Variants in DOCK2 observed in about 807,000 individuals in gnomAD.
The protein encoded by DOCK2 is dedicator of cytokinesis protein 2.
DOCK2 carries 87 observed loss-of-function variants against 248.9 expected under a neutral mutation model. The observed-to-expected ratio is 0.35, with a 90% CI of 0.29 to 0.42. The LOEUF is 0.42. DOCK2 is among the 10% of genes least tolerant of loss of function. DOCK2 has a pLI of 1.00. For synonymous variants in DOCK2, 805 were observed against 821.6 expected (o/e 0.98, Z 0.35); for missense variants, 1,747 against 2,300.2 (o/e 0.76, Z 4.92).
At chr5:169,943,397 C>G (rs1776319657) in intron 27 of DOCK2, among the ~76,000 whole-genome samples, 1 of 152,062 alleles carries the variant, frequency 6.6e-6, no homozygotes, top group African/African-American at 2.4e-5. Context: ...GGGCCATATT[C>G]TACACAGGAA....
chr5:169,809,549 G>T (rs866072794), intron 26 of DOCK2, among the ~76,000 whole-genome samples: 2 of 152,174 alleles, frequency 1.3e-5, no homozygotes, highest in South Asian at 2.1e-4. Context: ...AACCATGTGT[G>T]CACCCTGATA....
chr5:169,828,000 G>T (rs1768980093), intron 26 of DOCK2, among the ~76,000 whole-genome samples: 1 of 152,170 alleles, frequency 6.6e-6, no homozygotes, highest in Non-Finnish European at 1.5e-5. Flanking sequence ...CTTGTCCTAG[G>T]AGGCAGTGAT....
At chr5:169,668,263 C>A (rs757538844) in intron 2 of DOCK2, among the ~76,000 whole-genome samples, 6 of 152,156 alleles carry the variant, frequency 3.9e-5, no homozygotes, top group Non-Finnish European at 8.8e-5. Flanking sequence ...TTCCAACCTC[C>A]CTTTCTTCCT....
chr5:169,773,015 C>T (rs1765178881), intron 25 of DOCK2: 1 of 152,190 alleles, frequency 6.6e-6, no homozygotes, highest in African/African-American at 2.4e-5. Context: ...CATCAAAGTT[C>T]TTCAAGTGAG....
chr5:169,889,838 C>T (rs6869401), intron 27 of DOCK2, among the ~76,000 whole-genome samples: 4,105 of 152,314 alleles, frequency 0.027, 178 homozygotes, highest in South Asian at 0.11. Flanking sequence ...TGACAACCTC[C>T]GCTTTAGGCA....
intron 27 of DOCK2, among the ~76,000 whole-genome samples, chr5:169,881,919 C>T (rs769143754): frequency 2.0e-5 from 3 of 152,204 alleles, no homozygotes; most frequent in South Asian, 2.1e-4. Flanking sequence ...ACGAGCATTT[C>T]GCATCTAAAC....
intron 30 of DOCK2, 94 bp downstream of exon 30, chr5:169,996,258 C>CAGA (rs1754630104): frequency 3.8e-6 from 5 of 1,303,720 alleles, no homozygotes; most frequent in Non-Finnish European, 5.3e-6. Flanking sequence ...CCAAAGGCCA[C>CAGA]AGAAGCTGTC....
intron 27 of DOCK2, chr5:169,864,411 C>T: frequency 6.4e-6 from 10 of 1,550,534 alleles, no homozygotes; most frequent in Non-Finnish European, 8.7e-6. Flanking sequence ...CCAGACTCTG[C>T]AAAACTTCAT....
chr5:169,654,900 C>T (rs1581391655), intron 2 of DOCK2, among the ~76,000 whole-genome samples: 1 of 152,220 alleles, frequency 6.6e-6, no homozygotes, highest in Non-Finnish European at 1.5e-5. Context: ...CATGAAGGCA[C>T]CCAGCCCAGG....
intron 27 of DOCK2, chr5:169,881,496 AC>A: frequency 7.2e-7 from 1 of 1,391,922 alleles, no homozygotes; most frequent in South Asian, 1.2e-5. Context: ...CACGTGGGCC[AC>A]AAACATTCAA....
chr5:169,779,903 G>C lies in DOCK2; in HGVS notation c.2554+18278G>C, dbSNP rs181933430. 2.3e-3 allele frequency among the ~76,000 whole-genome samples: 350 copies of C among 152,188 alleles called. 1 individual carries two copies. The highest frequency in any genetic ancestry group is 8.3e-3 in the African/African-American group (344 of 41,476). On this transcript the variant is annotated intron_variant, in intron 25 of 51. Coordinates refer to ENST00000520908, the MANE Select transcript of DOCK2 (RefSeq NM_004946.3). ...GGAGGAGGTGTGGTGACTGACTGTG[G>C]CCCCGTAGAGAGTGTAGGCTGCAGG... is the stretch of plus-strand genomic sequence containing the variant.
intron 26 of DOCK2, among the ~76,000 whole-genome samples, chr5:169,833,676 C>T (rs396387): frequency 0.28 from 42,539 of 151,930 alleles, 8,152 homozygotes; most frequent in African/African-American, 0.55. Flanking sequence ...AGATGCCAGA[C>T]GAAAGTGTGG....
chr5:169,700,237 T>C (rs1760885039), intron 13 of DOCK2, 98 bp downstream of exon 13: 10 of 1,482,810 alleles, frequency 6.7e-6, no homozygotes, highest in Non-Finnish European at 9.0e-6. Flanking sequence ...CTTCCTTTTT[T>C]ACTGCCTCTC....
intron 8 of DOCK2, among the ~76,000 whole-genome samples, chr5:169,686,407 C>T (rs920639288): frequency 6.6e-6 from 1 of 152,162 alleles, no homozygotes; most frequent in African/African-American, 2.4e-5. Flanking sequence ...AGGCCATGCT[C>T]AATGGGGTGT....
chr5:169,839,829 C>T (rs1010224122), intron 26 of DOCK2, among the ~76,000 whole-genome samples: 5 of 152,146 alleles, frequency 3.3e-5, no homozygotes, highest in African/African-American at 9.7e-5. Context: ...TCAATTTGTC[C>T]CTCCAGCCTC....
intron 39 of DOCK2, among the ~76,000 whole-genome samples, chr5:170,046,843 C>T (rs1756732923): frequency 1.3e-5 from 2 of 152,120 alleles, no homozygotes; most frequent in Admixed American, 1.3e-4. Flanking sequence ...ACAGAGTCCA[C>T]ATCACACAGG....
At chr5:169,751,233 G>T (rs983419396) in intron 23 of DOCK2, among the ~76,000 whole-genome samples, 1 of 152,166 alleles carries the variant, frequency 6.6e-6, no homozygotes, top group Non-Finnish European at 1.5e-5. Flanking sequence ...GCGGGCATTT[G>T]TGTTCCTAAT....
chr5:169,967,206 C>CTG (rs1423895602), intron 27 of DOCK2, among the ~76,000 whole-genome samples: 1 of 152,196 alleles, frequency 6.6e-6, no homozygotes, highest in African/African-American at 2.4e-5. Flanking sequence ...TGCACAGGGA[C>CTG]ATGAGAACTC....
At chr5:169,961,401 G>T (rs1777081368) in intron 27 of DOCK2, among the ~76,000 whole-genome samples, 2 of 152,246 alleles carry the variant, frequency 1.3e-5, no homozygotes, top group Non-Finnish European at 2.9e-5. Context: ...TATTACCTTT[G>T]CCTGCTAATC....
Sources: allele counts gnomAD v4.1 joint callset (sites outside exome capture counted in the v4.1 genomes callset), GRCh38; gene constraint gnomAD v4.1.1; transcripts MANE v1.5; gene names NCBI Gene and HGNC (gene_info 2026-07-23, HGNC 2026-07-21).